Variants in SHLD1 observed in about 807,000 individuals in gnomAD.
SHLD1 encodes the protein shieldin complex subunit 1, also known as RINN1-REV7-interacting novel NHEJ regulator 3.
A neutral mutation model predicts 5.5 loss-of-function variants in SHLD1; 3 were observed. The ratio of observed to expected loss-of-function variants is 0.54; its 90% CI spans 0.25 to 1.40. The LOEUF is 1.40. SHLD1 is among the 40% of genes most tolerant of loss of function. The pLI, the probability that SHLD1 is intolerant of heterozygous loss-of-function variation, is 0.15. For synonymous variants in SHLD1, 92 were observed against 94.3 expected, an observed-to-expected ratio of 0.98 and a Z score of 0.14; for missense variants, 210 against 244.4, an observed-to-expected ratio of 0.86 and a Z score of 0.94.
chr20:5,771,373 T>C (rs548913670), intron 1 of SHLD1, among the ~76,000 whole-genome samples: 2 of 152,322 alleles, frequency 1.3e-5, no homozygotes, highest in East Asian at 3.9e-4. Context: ...GCAACCTTTT[T>C]AGTAATTTTT....
chr20:5,757,533 G>A (rs556085184), intron 1 of SHLD1, among the ~76,000 whole-genome samples: 1 of 152,238 alleles, frequency 6.6e-6, no homozygotes, highest in East Asian at 1.9e-4. Flanking sequence ...ACTTGTGTGT[G>A]TGTGTATATG....
intron 2 of SHLD1, among the ~76,000 whole-genome samples, chr20:5,796,087 T>G (rs35703152): frequency 0.23 from 35,296 of 152,064 alleles, 4,232 homozygotes; most frequent in Middle Eastern, 0.32. Context: ...AAAGATTAGC[T>G]GTTGAAGCTA....
intron 2 of SHLD1, among the ~76,000 whole-genome samples, chr20:5,777,389 C>T (rs1331328666): frequency 6.6e-6 from 1 of 152,022 alleles, no homozygotes; most frequent in East Asian, 1.9e-4. Context: ...GGAAACTTTC[C>T]CAGTGTCACT....
intron 2 of SHLD1, chr20:5,773,480 A>G (rs903580923): frequency 1.4e-5 from 4 of 279,768 alleles, no homozygotes; most frequent in South Asian, 1.3e-4. Flanking sequence ...GATTTAAGTA[A>G]CAACCTTTCT....
At chr20:5,760,463 C>T (rs913226219) in intron 1 of SHLD1, among the ~76,000 whole-genome samples, 2 of 151,944 alleles carry the variant, frequency 1.3e-5, no homozygotes, top group Middle Eastern at 3.2e-3. Context: ...GAGGCTGAGA[C>T]GGGTGGATCA....
intron 2 of SHLD1, among the ~76,000 whole-genome samples, chr20:5,823,809 C>A (rs1372333370): frequency 1.6e-4 from 25 of 152,142 alleles, no homozygotes. Context: ...TCAAAGCCAT[C>A]CTGGGTTGCA....
chr20:5,768,412 C>G (rs916977277), intron 1 of SHLD1, among the ~76,000 whole-genome samples: 7 of 152,268 alleles, frequency 4.6e-5, no homozygotes, highest in Non-Finnish European at 1.0e-4. Flanking sequence ...CAGAAAGCCT[C>G]CTGCCCCTTC....
Position 5,862,944 on chromosome 20 carries a change from A to G in SHLD1, c.179-80A>G, listed in dbSNP as rs1347718570. 4.0e-6 allele frequency: 5 copies of G among 1,261,086 alleles called. No homozygotes were observed. The Admixed American group carries it at 7.3e-5, about 18-fold the overall frequency. 78.1% of individuals were successfully genotyped at this position (1,261,086 alleles called of 1,614,324 possible). Reference sequence around the variant, plus strand: ...GAACAGTAAGCATGTTGAACTGAAAATAGACATCATCTGCTCTTGGCTTGC... The same window carrying G: ...GAACAGTAAGCATGTTGAACTGAAAGTAGACATCATCTGCTCTTGGCTTGC... On this transcript the variant is annotated intron_variant, in intron 2 of 2. Transcript: ENST00000303142.
chr20:5,769,600 G>A (rs1398795871), intron 1 of SHLD1, among the ~76,000 whole-genome samples: 2 of 152,140 alleles, frequency 1.3e-5, no homozygotes, highest in Non-Finnish European at 2.9e-5. Flanking sequence ...ACTAATAATA[G>A]AACAGTTATT....
chr20:5,848,311 GGGCAGA>G (rs1174063428), intron 2 of SHLD1, among the ~76,000 whole-genome samples: 2 of 152,124 alleles, frequency 1.3e-5, no homozygotes, highest in Non-Finnish European at 2.9e-5. Context: ...AGGCCGAGGC[GGGCAGA>G]TCACTTGAGG....
chr20:5,794,065 C>T (rs114944699), intron 2 of SHLD1, among the ~76,000 whole-genome samples: 2,883 of 152,126 alleles, frequency 0.019, 88 homozygotes, highest in African/African-American at 0.066. Context: ...TCACGTTCTA[C>T]ATTTTCTGAT....
At position 5,786,428 on chromosome 20, in the gene SHLD1, A is replaced by T. The variant is rs569801643; in HGVS notation, c.178+13385A>T. Among the ~76,000 whole-genome samples, 3 of 152,218 alleles carry T rather than the reference A, an allele frequency of 2.0e-5. No homozygotes were observed. In the South Asian group the frequency reaches 6.2e-4, roughly 32 times the overall value. ...CTCGCCTCTACAAATAAAATAAATT[A>T]ACTGGGCATGGTAGCATGCACCTAC... On this transcript the variant is annotated intron_variant, in intron 2 of 2. Coordinates refer to ENST00000303142, the MANE Select transcript of SHLD1 (RefSeq NM_152504.4).
intron 2 of SHLD1, among the ~76,000 whole-genome samples, chr20:5,774,169 A>G (rs974350572): frequency 6.6e-6 from 1 of 152,154 alleles, no homozygotes; most frequent in African/African-American, 2.4e-5. Context: ...GTGCCACTTC[A>G]CTCCAGTCTG....
chr20:5,770,257 A>G (rs1454596242), intron 1 of SHLD1, among the ~76,000 whole-genome samples: 2 of 152,168 alleles, frequency 1.3e-5, no homozygotes, highest in Non-Finnish European at 2.9e-5. Context: ...CTAACTCAAA[A>G]GTGTTGCTGC....
At chr20:5,763,290 CAA>C (rs57863188) in intron 1 of SHLD1, among the ~76,000 whole-genome samples, 3 of 58,114 alleles carry the variant, frequency 5.2e-5, no homozygotes, top group African/African-American at 6.5e-5. Flanking sequence ...AACTCCATCT[CAA>C]AAAAAAAAAA....
intron 1 of SHLD1, chr20:5,772,199 A>G (rs930042153): frequency 6.6e-6 from 3 of 454,050 alleles, no homozygotes; most frequent in Non-Finnish European, 1.3e-5. Flanking sequence ...TTGCCTAAAG[A>G]AAGTATTTTG....
At chr20:5,849,363 T>A (rs781526747) in intron 2 of SHLD1, among the ~76,000 whole-genome samples, 1 of 152,138 alleles carries the variant, frequency 6.6e-6, no homozygotes, top group South Asian at 2.1e-4. Context: ...ATGCCAGTGG[T>A]GAAAACAGGG....
chr20:5,757,171 A>G (rs921982080), intron 1 of SHLD1, among the ~76,000 whole-genome samples: 5 of 150,296 alleles, frequency 3.3e-5, no homozygotes, highest in Non-Finnish European at 7.4e-5. Context: ...CCTGGGTTCA[A>G]GTGATTCTTC....
chr20:5,857,111 G>T (rs2088097807), intron 2 of SHLD1, among the ~76,000 whole-genome samples: 1 of 152,062 alleles, frequency 6.6e-6, no homozygotes, highest in African/African-American at 2.4e-5. Flanking sequence ...GAGTAGCTGG[G>T]ACTGCAGGTG....
Sources: gnomAD v4.1 joint callset for allele counts (sites outside exome capture counted in the v4.1 genomes callset) on GRCh38, gnomAD v4.1.1 for gene constraint, MANE v1.5 for transcripts, NCBI Gene and HGNC (gene_info 2026-07-23, HGNC 2026-07-21) for gene names.